The following PCDH11Y variants were observed in gnomAD, a reference collection of about 807,000 sequenced individuals.
PCDH11Y encodes protocadherin 11 Y-linked.
For synonymous variants in PCDH11Y, 9 were observed against 83.6 expected (o/e 0.11, Z 4.87); for missense variants, 12 against 224.8 (o/e 0.05, Z 6.05).
chrY:5,400,763 T>G (rs1602919887), intron 2 of PCDH11Y, among the ~76,000 whole-genome samples: 1 of 17,478 alleles, frequency 5.7e-5, no homozygotes, highest in Non-Finnish European at 1.3e-4. Flanking sequence ...AAAGTGAAAA[T>G]AAAATAAAAT....
At chrY:5,671,214 T>G (rs1602958277) in intron 4 of PCDH11Y, among the ~76,000 whole-genome samples, 3 of 28,299 alleles carry the variant, frequency 1.1e-4, no homozygotes, top group Non-Finnish European at 2.6e-4. Context: ...ATTCCTCTAG[T>G]TTTTTTTTTT....
chrY:5,579,282 T>C, intron 3 of PCDH11Y, among the ~76,000 whole-genome samples: 1 of 32,758 alleles, frequency 3.1e-5, no homozygotes, highest in South Asian at 6.5e-4. Context: ...TTTTTTTTCT[T>C]TAAAATGTAT....
intron 2 of PCDH11Y, among the ~76,000 whole-genome samples, chrY:5,171,824 C>T: frequency 3.0e-5 from 1 of 33,187 alleles, no homozygotes; most frequent in Non-Finnish European, 7.5e-5. Flanking sequence ...ATTCTGCCCA[C>T]CACATTATTT....
intron 2 of PCDH11Y, among the ~76,000 whole-genome samples, chrY:5,370,927 A>G: frequency 3.5e-5 from 1 of 28,949 alleles, no homozygotes; most frequent in Non-Finnish European, 8.2e-5. Context: ...TGCTTTGCAC[A>G]TAAGAGACAA....
chrY:5,736,307 A>G, intron 4 of PCDH11Y, among the ~76,000 whole-genome samples: 3 of 32,370 alleles, frequency 9.3e-5, no homozygotes, highest in Non-Finnish European at 2.3e-4. Context: ...CTGATTTTCT[A>G]TTTTTTCCAT....
intron 2 of PCDH11Y, among the ~76,000 whole-genome samples, chrY:5,493,563 T>C: frequency 3.0e-5 from 1 of 32,939 alleles, no homozygotes; most frequent in African/African-American, 1.2e-4. Flanking sequence ...TTTGATCTTG[T>C]TAATTATGCT....
chrY:5,656,419 T>C (rs1354514968), intron 4 of PCDH11Y, among the ~76,000 whole-genome samples: 1 of 31,725 alleles, frequency 3.2e-5, no homozygotes, highest in Non-Finnish European at 7.6e-5. Flanking sequence ...GCTTTTTAAC[T>C]TCACGTGATC....
intron 2 of PCDH11Y, among the ~76,000 whole-genome samples, chrY:5,131,039 A>G (rs2124641191): frequency 3.1e-5 from 1 of 32,520 alleles, no homozygotes; most frequent in Admixed American, 2.8e-4. Flanking sequence ...CATTCAACCC[A>G]GCAATCCCAT....
chrY:5,040,907 T>G (rs2052606583), intron 3 of PCDH11Y, among the ~76,000 whole-genome samples: 1 of 32,274 alleles, frequency 3.1e-5, no homozygotes, highest in Non-Finnish European at 7.6e-5. Flanking sequence ...AAACTTTAGG[T>G]TTTTGAATAA....
chrY:5,065,077 G>T, intron 1 of PCDH11Y, among the ~76,000 whole-genome samples: 1 of 32,864 alleles, frequency 3.0e-5, no homozygotes, highest in Non-Finnish European at 7.5e-5. Context: ...TTAAGAAAAT[G>T]GAATTATTTA....
At chrY:5,153,710 G>GA (rs2052866007) in intron 2 of PCDH11Y, among the ~76,000 whole-genome samples, 1 of 30,386 alleles carries the variant, frequency 3.3e-5, no homozygotes, top group Non-Finnish European at 8.0e-5. Flanking sequence ...TAAAATGATA[G>GA]AAAAAAATTG....
chrY:5,425,823 C>T (rs2053262694), intron 2 of PCDH11Y, among the ~76,000 whole-genome samples: 1 of 33,044 alleles, frequency 3.0e-5, no homozygotes, highest in Admixed American at 2.8e-4. Flanking sequence ...AAAGCCACCA[C>T]ATTTGGCAAT....
chrY:5,719,314 T>C, intron 4 of PCDH11Y, among the ~76,000 whole-genome samples: 1 of 33,154 alleles, frequency 3.0e-5, no homozygotes, highest in East Asian at 8.2e-4. Context: ...AGGAAAACTT[T>C]CTCCAGGACA....
At position 5,399,822 on chromosome Y, in the gene PCDH11Y, A is replaced by C. The variant is rs1602919581; in HGVS notation, c.3130-101235A>C. 8.7e-4 allele frequency among the ~76,000 whole-genome samples: 29 copies of C among 33,231 alleles called. No homozygotes were observed. The East Asian group carries it at 0.023, about 26-fold the overall frequency. 89.2% of individuals were successfully genotyped at this position (33,231 alleles called of 37,273 possible). A position where few individuals can be genotyped will look rare whatever the true frequency, so the allele number is the denominator to read the frequency against. ...GCCTGTAGAAAATTTTTATAAAAGT[A>C]GTAAGTCAATCTGTGTGTGTAATAA... On this transcript the variant is annotated intron_variant, in intron 2 of 4. Coordinates refer to the PCDH11Y transcript ENST00000400457.
intron 2 of PCDH11Y, among the ~76,000 whole-genome samples, chrY:5,286,382 T>C: frequency 3.0e-5 from 1 of 33,410 alleles, no homozygotes; most frequent in Admixed American, 2.7e-4. Flanking sequence ...TTGTTTGTTT[T>C]TTGGTTTCAT....
intron 4 of PCDH11Y, among the ~76,000 whole-genome samples, chrY:5,715,643 A>G (rs1602963411): frequency 4.0e-4 from 12 of 30,054 alleles, no homozygotes; most frequent in Middle Eastern, 0.015. Context: ...AGGATATAAA[A>G]GCCCAAGACC....
intron 2 of PCDH11Y, among the ~76,000 whole-genome samples, chrY:5,325,807 T>G (rs1240579784): frequency 9.2e-5 from 3 of 32,597 alleles, no homozygotes; most frequent in South Asian, 7.2e-4. Context: ...CAAGTTTTTT[T>G]GGGGGCACAG....
intron 2 of PCDH11Y, among the ~76,000 whole-genome samples, chrY:5,126,497 A>G (rs2052825755): frequency 3.1e-5 from 1 of 31,946 alleles, no homozygotes; most frequent in Admixed American, 2.9e-4. Context: ...TGACTGATTA[A>G]TAAGCCAAGA....
chrY:5,504,994 CTATGTTT>C (rs2053357710), intron 3 of PCDH11Y, among the ~76,000 whole-genome samples: 1 of 32,795 alleles, frequency 3.0e-5, no homozygotes, highest in Non-Finnish European at 7.6e-5. Context: ...TTTTAATACT[CTATGTTT>C]ATGAAGCCAG....
Sources: allele counts gnomAD v4.1 joint callset (sites outside exome capture counted in the v4.1 genomes callset), GRCh38; gene constraint gnomAD v4.1.1; transcripts MANE v1.5; gene names NCBI Gene and HGNC (gene_info 2026-07-23, HGNC 2026-07-21).